The following COL11A1 variants were observed in gnomAD, a reference collection of about 807,000 sequenced individuals.
COL11A1 encodes the protein collagen alpha-1(XI) chain.
A neutral mutation model predicts 265.2 loss-of-function variants in COL11A1; 74 were observed. The observed-to-expected ratio is 0.28, with a 90% CI of 0.23 to 0.34. The LOEUF (loss-of-function observed/expected upper bound fraction) is 0.34. COL11A1 is among the 10% of genes least tolerant of loss of function. The probability of loss-of-function intolerance (pLI) is 1.00; values close to 1 mark genes in which losing one functional copy is unlikely to be tolerated. For missense variants in COL11A1, 2,165 were observed against 2,263.6 expected, an observed-to-expected ratio of 0.96 and a Z score of 0.88; for synonymous variants, 816 against 727.6, an observed-to-expected ratio of 1.12 and a Z score of -1.96.
At chr1:103,103,621 C>G (rs1674467170) in intron 1 of COL11A1, among the ~76,000 whole-genome samples, 1 of 151,914 alleles carries the variant, frequency 6.6e-6, no homozygotes, top group Non-Finnish European at 1.5e-5. Context: ...AATCTAAACT[C>G]TAGCAAATAT....
rs749476906 is a variant in COL11A1 at position 102,881,754 on chromosome 1, T to C, written c.4983A>G (p.Ser1661=). The C allele has an allele frequency of 1.9e-6, 3 of 1,612,570 alleles. No homozygotes were observed. Among genetic ancestry groups the C allele is most frequent in the South Asian group, 1.1e-5 (1 of 91,060 alleles). ...PDKKSEGVRI[S]SWPKEKPGSW... Reference sequence around the variant, plus strand: ...TTCCTGGTTTCTCCTTTGGCCATGATGAAATTCTTACCTGTTGCAAAGGAA... The same window carrying C: ...TTCCTGGTTTCTCCTTTGGCCATGACGAAATTCTTACCTGTTGCAAAGGAA... Residue 1661 remains serine, a synonymous_variant, in exon 65 of 67, where the codon TCA becomes TCG. Transcript: ENST00000370096.
At chr1:102,974,969 A>C (rs1662329130) in intron 35 of COL11A1, 86 bp from the exon 36 acceptor site, 4 of 944,312 alleles carry the variant, frequency 4.2e-6, no homozygotes, top group Non-Finnish European at 6.9e-6. Context: ...ACATAGACAA[A>C]ATACAATGTA....
At chr1:102,961,344 T>C (rs1660887542) in intron 41 of COL11A1, among the ~76,000 whole-genome samples, 1 of 152,206 alleles carries the variant, frequency 6.6e-6, no homozygotes, top group Non-Finnish European at 1.5e-5. Flanking sequence ...ATATGCATAA[T>C]ATATAAGATT....
At chr1:102,884,492 G>C (rs1466815190) in intron 63 of COL11A1, 1 of 152,240 alleles carries the variant, frequency 6.6e-6, no homozygotes, top group Non-Finnish European at 1.5e-5. Context: ...GTGACCAGCA[G>C]CTTCTTTATA....
chr1:103,096,264 A>G (rs986326749), intron 1 of COL11A1, among the ~76,000 whole-genome samples: 3 of 152,034 alleles, frequency 2.0e-5, no homozygotes, highest in Non-Finnish European at 4.4e-5. Flanking sequence ...CAGATATAAA[A>G]TGTTGCTTTC....
rs1674480519 is a variant in COL11A1, at chr1:103,103,765, GGTA to G, written c.106+4305_106+4307del. 2.0e-5 allele frequency among the ~76,000 whole-genome samples: 3 copies of G among 147,972 alleles called. No homozygotes were observed. In the Admixed American group the frequency reaches 2.0e-4, roughly 10 times the overall value. ...TTGTTGATTGCACAACAGATATCAT[GGTA>G]GTCCATTGAGAGTGAGTACTTCCCA... On this transcript the variant is annotated intron_variant, in intron 1 of 66. Transcript: ENST00000370096.
intron 37 of COL11A1, among the ~76,000 whole-genome samples, chr1:102,968,454 T>C (rs1226245409): frequency 6.6e-6 from 1 of 152,226 alleles, no homozygotes; most frequent in Non-Finnish European, 1.5e-5. Flanking sequence ...GTTTCTATTA[T>C]ACTGAAACAA....
intron 22 of COL11A1, 124 bp downstream of exon 22, chr1:103,002,623 C>T (rs1665216881): frequency 3.6e-6 from 4 of 1,098,440 alleles, no homozygotes; most frequent in Admixed American, 3.8e-5. Flanking sequence ...AATATTAATG[C>T]AAGCTGTATC....
chr1:102,910,766 G>C (rs1309786961), intron 54 of COL11A1, among the ~76,000 whole-genome samples: 1 of 151,912 alleles, frequency 6.6e-6, no homozygotes, highest in Non-Finnish European at 1.5e-5. Context: ...TACACAATTT[G>C]CCCAACGTAA....
At chr1:102,950,114 A>G (rs1247399152) in intron 41 of COL11A1, among the ~76,000 whole-genome samples, 1 of 152,090 alleles carries the variant, frequency 6.6e-6, no homozygotes, top group Admixed American at 6.6e-5. Flanking sequence ...TAACATGGTG[A>G]AACCCCCTCT....
intron 1 of COL11A1, 70 bp from the exon 2 acceptor site, chr1:103,083,042 C>A: frequency 7.0e-7 from 1 of 1,427,180 alleles, no homozygotes; most frequent in Non-Finnish European, 9.8e-7. Context: ...GTATTTTTAA[C>A]ACAGGATAGT....
intron 31 of COL11A1, chr1:102,979,718 A>G (rs1003378490): frequency 2.3e-6 from 1 of 442,094 alleles, no homozygotes; most frequent in Non-Finnish European, 4.2e-6. Context: ...AACAGTAATT[A>G]TAGGACATTT....
Position 102,879,748 on chromosome 1 carries a change from A to C in COL11A1, c.5209T>G (p.Ser1737Ala). Residue 1737 changes from serine (S) to alanine (A), a missense_variant, in exon 66 of 67, where the codon TCA becomes GCA. Transcript: ENST00000370096. ...TCATAGGACATCTCCTCATCATTTG[A>C]TCCCAGGAAGCGAAGTGCTTTGTCA... is the stretch of plus-strand genomic sequence containing the variant. ...SYDKALRFLG[S>A]NDEEMSYDNN... is the part of the protein sequence containing the mutation. 6.2e-7 allele frequency: 1 copy of C among 1,613,990 alleles called. No homozygotes were observed. Among genetic ancestry groups the C allele is most frequent in the South Asian group, 1.1e-5 (1 of 91,088 alleles).
intron 4 of COL11A1, among the ~76,000 whole-genome samples, chr1:103,068,643 G>T (rs566304608): frequency 2.0e-5 from 3 of 151,068 alleles, no homozygotes; most frequent in African/African-American, 7.3e-5. Flanking sequence ...AAAGCATAAA[G>T]ATAGAAAACT....
At chr1:103,002,538 G>C (rs1665210527) in intron 22 of COL11A1, 57 bp from the exon 23 acceptor site, 1 of 1,455,208 alleles carries the variant, frequency 6.9e-7, no homozygotes, top group Non-Finnish European at 9.5e-7. Context: ...ATAGATTTTT[G>C]TTCTTCTCAA....
rs762530182 is a variant in COL11A1, at chr1:102,921,519, T to C, written c.3707A>G (p.Asp1236Gly). The C allele has an allele frequency of 6.2e-7, 1 of 1,611,908 alleles. No individual in the cohort carries two copies. Among genetic ancestry groups the C allele is most frequent in the Non-Finnish European group, 8.5e-7 (1 of 1,178,324 alleles). ...PRGPQGPNGA[D>G]GPQGPPGSVG... Reference sequence around the variant, plus strand: ...TAACATATATTTCAGAGTTCTTACATCAGCTCCATTGGGACCTTGAGGGCC... The same window carrying C: ...TAACATATATTTCAGAGTTCTTACACCAGCTCCATTGGGACCTTGAGGGCC... Residue 1236 changes from aspartate to glycine, a missense_variant and splice_region_variant, in exon 48 of 67, where the codon GAT (aspartate) becomes GGT (glycine). By Grantham distance (94) the Asp-to-Gly change is moderately conservative (BLOSUM62 -1). Transcript: ENST00000370096.
chr1:102,967,227 C>CTTTTTTTTTTTTTTTTTTTTTTTTT lies in COL11A1; in HGVS notation c.2863-1712_2863-1688dup, dbSNP rs35303945. 9.5e-5 allele frequency among the ~76,000 whole-genome samples: 5 copies of CTTTTTTTTTTTTTTTTTTTTTTTTT among 52,754 alleles called. 1 individual carries two copies. Among genetic ancestry groups the CTTTTTTTTTTTTTTTTTTTTTTTTT allele is most frequent in the African/African-American group, 1.6e-4 (2 of 12,456 alleles). 34.6% of individuals were successfully genotyped at this position (52,754 alleles called of 152,430 possible). The stretch of plus-strand genomic sequence containing the variant: ...CCCACAAAACCAAACATAATAAATT[C>CTTTTTTTTTTTTTTTTTTTTTTTTT]TTTTTTTTTTTTTTTTTTTTTTTTT... On this transcript the variant is annotated intron_variant, in intron 37 of 66. Coordinates refer to ENST00000370096, the MANE Select transcript of COL11A1 (RefSeq NM_001854.4).
intron 4 of COL11A1, among the ~76,000 whole-genome samples, chr1:103,049,343 C>G (rs1020409796): frequency 2.8e-4 from 43 of 152,144 alleles, no homozygotes; most frequent in African/African-American, 7.2e-4. Flanking sequence ...GATCCCTTTA[C>G]CATTATGTAA....
chr1:102,962,826 A>C, intron 38 of COL11A1, 66 bp from the exon 39 acceptor site: 17 of 1,414,926 alleles, frequency 1.2e-5, no homozygotes, highest in Non-Finnish European at 1.5e-5. Flanking sequence ...ACACAAACTC[A>C]AAAACAGTAT....
Sources: allele counts gnomAD v4.1 joint callset (sites outside exome capture counted in the v4.1 genomes callset), GRCh38; gene constraint gnomAD v4.1.1; transcripts MANE v1.5; gene names NCBI Gene and HGNC (gene_info 2026-07-23, HGNC 2026-07-21).